The following DLGAP2 variants were observed in gnomAD, a reference collection of about 807,000 sequenced individuals.
The protein encoded by DLGAP2 is disks large-associated protein 2.
A neutral mutation model predicts 100.3 loss-of-function variants in DLGAP2; 26 were observed. That is an observed-to-expected ratio of 0.26 (90% CI 0.19 to 0.36). The LOEUF (loss-of-function observed/expected upper bound fraction) is 0.36. Among genes scored for constraint, DLGAP2 ranks in the 10% least tolerant of loss-of-function variants. The probability of loss-of-function intolerance (pLI) is 1.00; values close to 1 mark genes in which losing one functional copy is unlikely to be tolerated. For missense variants in DLGAP2, 1,858 were observed against 1,453.2 expected (o/e 1.28, Z -4.53); for synonymous variants, 886 against 630.1 (o/e 1.41, Z -6.08).
In DLGAP2 at chr8:1,033,154, C is replaced by T. The variant is rs532388335; in HGVS notation, c.73+125188C>T. On this transcript the variant is annotated intron_variant, in intron 2 of 14. Transcript: ENST00000637795. ...CTCTCTGTCTCAGGCACTGACCTTC[C>T]TCTGCACAGACAGATGCATGCTGTG... Among the ~76,000 whole-genome samples, 7 of 152,238 alleles carry T rather than the reference C, an allele frequency of 4.6e-5. No individual in the cohort carries two copies. The East Asian group carries it at 1.4e-3, about 29-fold the overall frequency.
At position 1,333,975 on chromosome 8, in the gene DLGAP2, C is replaced by T. The variant is rs374192510; in HGVS notation, c.106+75092C>T. Among the ~76,000 whole-genome samples the T allele has an allele frequency of 5.3e-5, 8 of 152,354 alleles. No homozygotes were observed. In the South Asian group the frequency reaches 1.7e-3, roughly 32 times the overall value. ...GCACAGGGGCCAACACGGCGAGAGC[C>T]ACGTGCTCCGCAACTGAGGGCACCA... is the stretch of plus-strand genomic sequence containing the variant. On this transcript the variant is annotated intron_variant, in intron 3 of 14. Coordinates refer to ENST00000637795, the MANE Select transcript of DLGAP2 (RefSeq NM_001346810.2).
intron 3 of DLGAP2, among the ~76,000 whole-genome samples, chr8:1,326,138 G>C (rs1383608428): frequency 1.3e-5 from 2 of 152,034 alleles, no homozygotes; most frequent in African/African-American, 2.4e-5. Flanking sequence ...TTTTTTGTTT[G>C]CTCCTTAATG....
chr8:1,379,557 C>T (rs1478524568), intron 3 of DLGAP2: 3 of 152,242 alleles, frequency 2.0e-5, no homozygotes, highest in Non-Finnish European at 4.4e-5. Flanking sequence ...TATTCAGTCT[C>T]TTCTTGTAAG....
chr8:1,691,811 G>A (rs1011731469), intron 13 of DLGAP2, among the ~76,000 whole-genome samples, 185 bp downstream of exon 13: 9 of 151,708 alleles, frequency 5.9e-5, no homozygotes, highest in African/African-American at 1.9e-4. Context: ...TTTAAACGCG[G>A]TACCGAGGCA....
At chr8:1,373,396 G>T (rs1802299416) in intron 3 of DLGAP2, among the ~76,000 whole-genome samples, 1 of 152,132 alleles carries the variant, frequency 6.6e-6, no homozygotes, top group African/African-American at 2.4e-5. Flanking sequence ...GCCCTGTGCC[G>T]CTTGCGTCCC....
At chr8:999,029 A>T (rs933548183) in intron 2 of DLGAP2, among the ~76,000 whole-genome samples, 1 of 152,132 alleles carries the variant, frequency 6.6e-6, no homozygotes, top group Non-Finnish European at 1.5e-5. Context: ...CTCCAGATGA[A>T]CCATACCAGG....
intron 3 of DLGAP2, among the ~76,000 whole-genome samples, chr8:1,264,314 G>C (rs1799409310): frequency 6.6e-6 from 1 of 152,090 alleles, no homozygotes; most frequent in African/African-American, 2.4e-5. Context: ...TGCCCTGTCA[G>C]GTAGGGGTGG....
At chr8:999,677 C>T (rs899149509) in intron 2 of DLGAP2, among the ~76,000 whole-genome samples, 1 of 152,044 alleles carries the variant, frequency 6.6e-6, no homozygotes, top group Non-Finnish European at 1.5e-5. Flanking sequence ...AATGGGGTTT[C>T]ACCATGTTTG....
intron 14 of DLGAP2, among the ~76,000 whole-genome samples, chr8:1,699,563 A>G (rs957465791): frequency 6.6e-6 from 1 of 152,132 alleles, no homozygotes; most frequent in Non-Finnish European, 1.5e-5. Flanking sequence ...GTAGTGAGCC[A>G]AGATCGTGCC....
chr8:1,118,248 C>G (rs961076281), intron 2 of DLGAP2, among the ~76,000 whole-genome samples: 1 of 152,186 alleles, frequency 6.6e-6, no homozygotes, highest in Non-Finnish European at 1.5e-5. Context: ...AGGATGTGAG[C>G]TCGGGGGAAC....
chr8:996,146 C>G (rs187266433), intron 2 of DLGAP2, among the ~76,000 whole-genome samples: 14 of 152,174 alleles, frequency 9.2e-5, no homozygotes, highest in African/African-American at 2.9e-4. Context: ...CCCTCTGTTC[C>G]TCTCCACTCC....
intron 1 of DLGAP2, among the ~76,000 whole-genome samples, chr8:864,015 C>T (rs897881951): frequency 1.3e-5 from 2 of 152,166 alleles, no homozygotes; most frequent in African/African-American, 4.8e-5. Context: ...ATGACTCAGC[C>T]ATCAAAAGGA....
intron 2 of DLGAP2, among the ~76,000 whole-genome samples, chr8:1,234,846 C>G (rs117645512): frequency 2.6e-5 from 4 of 152,290 alleles, no homozygotes; most frequent in Admixed American, 2.6e-4. Context: ...GAGTGATACC[C>G]GGACTGTTCA....
rs114191924 is a variant in DLGAP2, at chr8:997,330, C to T, written c.73+89364C>T. Among the ~76,000 whole-genome samples, 323 of 152,318 alleles carry T rather than the reference C, an allele frequency of 2.1e-3. 1 individual carries two copies. Among genetic ancestry groups the T allele is most frequent in the African/African-American group, 5.1e-3 (211 of 41,574 alleles). ...ACATTCAAAAATGCTATTTAAATAT[C>T]TGGGGAGCCCGGATCATTTTACTTG... On this transcript the variant is annotated intron_variant, in intron 2 of 14. Transcript: ENST00000637795.
chr8:1,391,634 G>T (rs533197966), intron 3 of DLGAP2, among the ~76,000 whole-genome samples: 1 of 152,368 alleles, frequency 6.6e-6, no homozygotes, highest in South Asian at 2.1e-4. Flanking sequence ...GCAGGGGACT[G>T]CTCTAGAAGA....
At chr8:1,600,787 A>G (rs1796600638) in intron 6 of DLGAP2, among the ~76,000 whole-genome samples, 1 of 152,084 alleles carries the variant, frequency 6.6e-6, no homozygotes, top group Non-Finnish European at 1.5e-5. Context: ...CCTTTTTTCA[A>G]GGTTCTTAGC....
At chr8:1,283,612 C>T (rs1203813079) in intron 3 of DLGAP2, among the ~76,000 whole-genome samples, 2 of 152,162 alleles carry the variant, frequency 1.3e-5, no homozygotes, top group South Asian at 2.1e-4. Context: ...AAAGGAACAG[C>T]GATGATGCTG....
At chr8:1,628,171 A>G (rs1797555043) in intron 7 of DLGAP2, among the ~76,000 whole-genome samples, 1 of 113,318 alleles carries the variant, frequency 8.8e-6, no homozygotes, top group African/African-American at 4.4e-5. Flanking sequence ...CTGACCTCAC[A>G]TTCTCTCTGA....
rs143411072 is a variant in DLGAP2 at position 1,038,143 on chromosome 8, G to A, written c.73+130177G>A. 4.4e-4 allele frequency among the ~76,000 whole-genome samples: 67 copies of A among 152,336 alleles called. No homozygotes were observed. The East Asian group carries it at 0.011, about 25-fold the overall frequency. ...TACAAGTGTTCGTCCCTCTGGAGTC[G>A]CTACCTGTGTGTTTCTCAGGAAGAC... On this transcript the variant is annotated intron_variant, in intron 2 of 14. Coordinates refer to ENST00000637795, the MANE Select transcript of DLGAP2 (RefSeq NM_001346810.2).
Sources: allele counts gnomAD v4.1 joint callset (sites outside exome capture counted in the v4.1 genomes callset), GRCh38; gene constraint gnomAD v4.1.1; transcripts MANE v1.5; gene names NCBI Gene and HGNC (gene_info 2026-07-23, HGNC 2026-07-21).